CNNM4: variants seen among roughly 807,000 people sequenced by gnomAD.
The protein encoded by CNNM4 is cyclin and CBS domain divalent metal cation transport mediator 4.
In CNNM4, 32 loss-of-function variants were observed where a neutral mutation model predicts 53.7. The ratio of observed to expected loss-of-function variants is 0.60; its 90% CI spans 0.45 to 0.80. The LOEUF is 0.80. CNNM4 is among the 30% of genes least tolerant of loss of function. The pLI is 0.00. For missense variants in CNNM4, 784 were observed against 1,022.0 expected (o/e 0.77, Z 3.17); for synonymous variants, 410 against 440.0 (o/e 0.93, Z 0.85).
rs41286594 is a variant in CNNM4 at position 96,799,647 on chromosome 2, C to T, written c.1947C>T (p.Ser649=). The T allele has an allele frequency of 0.021, 33,156 of 1,550,670 alleles. 449 individuals carry two copies. Among genetic ancestry groups the T allele is most frequent in the Admixed American group, 0.025 (1,287 of 51,032 alleles). The change falls in exon 5 of 7, where the codon TCC becomes TCT. Residue 649 remains serine (S), a splice_region_variant and synonymous_variant. Transcript: ENST00000377075. ...YGTMALTSVP[S]DRSPAHPTPL... ...CTATGGCCCTGACCTCGGTCCCCTC[C>T]GGTGAGTTGTTGGGCATGGTCTTTG...
chr2:96,765,622 A>G (rs1465461363), intron 1 of CNNM4, among the ~76,000 whole-genome samples: 1 of 151,904 alleles, frequency 6.6e-6, no homozygotes, highest in Non-Finnish European at 1.5e-5. Flanking sequence ...TCCCCTTTCC[A>G]GCATTATAAG....
At chr2:96,802,875 C>T (rs1209377435) in intron 5 of CNNM4, among the ~76,000 whole-genome samples, 2 of 152,094 alleles carry the variant, frequency 1.3e-5, no homozygotes, top group African/African-American at 4.8e-5. Flanking sequence ...CTGGGATTCC[C>T]GTGTGCAACC....
Position 96,811,573 on chromosome 2 carries a change from A to G in CNNM4, c.*2056A>G, listed in dbSNP as rs940055133. 3.9e-5 allele frequency: 6 copies of G among 152,162 alleles called. No individual in the cohort carries two copies. The East Asian group carries it at 9.7e-4, about 25-fold the overall frequency. 9.4% of individuals were successfully genotyped at this position (152,162 alleles called of 1,614,324 possible). On this transcript the variant is annotated 3_prime_UTR_variant, in exon 7 of 7. Coordinates refer to ENST00000377075, the MANE Select transcript of CNNM4 (RefSeq NM_020184.4). ...TTCCCAGTGCAATTTTTCCCTTCCT[A>G]TTTCAACCTCTGGTTCCTGGGATGA...
chr2:96,771,180 A>G (rs531983674), intron 1 of CNNM4, among the ~76,000 whole-genome samples: 96 of 152,150 alleles, frequency 6.3e-4, no homozygotes, highest in African/African-American at 2.2e-3. Flanking sequence ...TCCTCTCACC[A>G]GAATGTACTG....
At chr2:96,805,329 T>G (rs1011767999) in intron 5 of CNNM4, among the ~76,000 whole-genome samples, 3 of 150,768 alleles carry the variant, frequency 2.0e-5, no homozygotes, top group African/African-American at 7.3e-5. Context: ...GTTTCCTAGT[T>G]TTATAAATAA....
chr2:96,792,878 CAGG>C (rs1368126550), intron 1 of CNNM4, among the ~76,000 whole-genome samples: 3 of 151,716 alleles, frequency 2.0e-5, no homozygotes, highest in African/African-American at 7.3e-5. Context: ...TAAAGGGAGA[CAGG>C]AGTGTTGGGG....
intron 1 of CNNM4, among the ~76,000 whole-genome samples, chr2:96,777,866 C>G (rs1293295769): frequency 2.0e-5 from 3 of 150,352 alleles, no homozygotes; most frequent in African/African-American, 7.3e-5. Flanking sequence ...CTTGAACTCT[C>G]TGCCTTTTTT....
intron 1 of CNNM4, among the ~76,000 whole-genome samples, chr2:96,762,771 T>C (rs368338585): frequency 1.3e-4 from 19 of 151,810 alleles, no homozygotes; most frequent in Middle Eastern, 3.4e-3. Flanking sequence ...GGCTGGGAAA[T>C]TGGGGAATCC....
chr2:96,761,492 G>A lies in CNNM4; in HGVS notation c.493G>A (p.Asp165Asn), dbSNP rs1321502470. 2 of 1,614,010 alleles carry A rather than the reference G, an allele frequency of 1.2e-6. No homozygotes were observed. Among genetic ancestry groups the A allele is most frequent in the Non-Finnish European group, 1.7e-6 (2 of 1,180,012 alleles). Residue 165 changes from aspartate to asparagine, a missense_variant, in exon 1 of 7, where the codon GAC (aspartate) becomes AAC (asparagine). By Grantham distance (23) the Asp-to-Asn change is conservative. This residue lies in a region of CNNM4 where 473 missense variants were observed against 624.6 expected (regional missense o/e 0.76). Coordinates refer to ENST00000377075, the MANE Select transcript of CNNM4 (RefSeq NM_020184.4). This position sits in a 1 kb window ranked among gnomAD's most constrained non-coding sequence, Gnocchi z 6.0. ...QPDGPWLKWT[D>N]KDSLLFMVEE... ...CGACGGGCCCTGGCTGAAGTGGACG[G>A]ACAAGGACTCACTGCTCTTCATGGT...
In CNNM4 at chr2:96,797,103, C is replaced by T. The variant is rs776159012; in HGVS notation, c.1494C>T (p.Asp498=). Residue 498 remains aspartate (D), a synonymous_variant, in exon 2 of 7, where the codon GAC becomes GAT. Coordinates refer to ENST00000377075, the MANE Select transcript of CNNM4 (RefSeq NM_020184.4). This position sits in a 1 kb window ranked among gnomAD's most constrained non-coding sequence, Gnocchi z 6.0. ...TCCTGGGCCTGGTCACCCTGGAGGA[C>T]GTGATCGAGGAGATCATCAAGTCGG... ...YEVLGLVTLE[D]VIEEIIKSEI... 1.9e-5 allele frequency: 30 copies of T among 1,614,024 alleles called. No homozygotes were observed. The highest frequency in any genetic ancestry group is 1.1e-4 in the South Asian group (10 of 91,092).
chr2:96,771,724 AAAAG>A (rs1157913397), intron 1 of CNNM4, among the ~76,000 whole-genome samples: 2 of 152,084 alleles, frequency 1.3e-5, no homozygotes, highest in Non-Finnish European at 2.9e-5. Context: ...AAAAAAAAAA[AAAAG>A]AAAGAAAAAA....
intron 1 of CNNM4, among the ~76,000 whole-genome samples, chr2:96,781,231 A>G (rs550231740): frequency 1.6e-4 from 25 of 152,026 alleles, no homozygotes; most frequent in Non-Finnish European, 3.7e-4. Flanking sequence ...CACCTGCCTC[A>G]GCCTCCCAAA....
chr2:96,769,936 C>T (rs1189591678), intron 1 of CNNM4, among the ~76,000 whole-genome samples: 1 of 152,226 alleles, frequency 6.6e-6, no homozygotes, highest in Non-Finnish European at 1.5e-5. Context: ...AGGCAGAGGT[C>T]CCAGCAGGGA....
intron 1 of CNNM4, among the ~76,000 whole-genome samples, chr2:96,779,016 G>C (rs1003804070): frequency 2.0e-5 from 3 of 151,932 alleles, no homozygotes; most frequent in Non-Finnish European, 2.9e-5. Context: ...GAGTGCAGTG[G>C]CGCGATTTTG....
At position 96,801,627 on chromosome 2, in the gene CNNM4, C is replaced by T. The variant is rs544630905; in HGVS notation, c.1948+1979C>T. ...ACAGAGACCACACACAGAGACCACA[C>T]GCAGAGAGACCACACACATGCAGAG... is the stretch of plus-strand genomic sequence containing the variant. On this transcript the variant is annotated intron_variant, in intron 5 of 6. Transcript: ENST00000377075. This position sits in a 1 kb window ranked among gnomAD's most constrained non-coding sequence, Gnocchi z 5.6. Among the ~76,000 whole-genome samples the T allele has an allele frequency of 4.1e-5, 6 of 145,114 alleles. No homozygotes were observed. The highest frequency in any genetic ancestry group is 6.9e-5 in the Admixed American group (1 of 14,554).
chr2:96,805,418 G>GT (rs898761608), intron 5 of CNNM4, among the ~76,000 whole-genome samples: 14,357 of 76,882 alleles, frequency 0.19, 1,393 homozygotes, highest in South Asian at 0.55. Context: ...CTTCTTTTCA[G>GT]TTTTTTTTTT....
rs760782158 is a variant in CNNM4 at position 96,808,762 on chromosome 2, G to C, written c.2130+20G>C. The C allele has an allele frequency of 6.2e-7, 1 of 1,611,580 alleles. No homozygotes were observed. Among genetic ancestry groups the C allele is most frequent in the South Asian group, 1.1e-5 (1 of 91,006 alleles). ...ATCAAGGTGAGTGCCTCACTGCCCT[G>C]TCTGGGCAGTGCTATCTTCTGCTCA... is the stretch of plus-strand genomic sequence containing the variant. On this transcript the variant is annotated intron_variant, in intron 6 of 6. Coordinates refer to ENST00000377075, the MANE Select transcript of CNNM4 (RefSeq NM_020184.4). The surrounding 1 kb of genome is among the most constrained non-coding windows in gnomAD (Gnocchi z 4.9).
chr2:96,766,062 G>A lies in CNNM4; in HGVS notation c.1402+3661G>A, dbSNP rs975184426. Among the ~76,000 whole-genome samples the A allele has an allele frequency of 9.4e-5, 14 of 148,512 alleles. No homozygotes were observed. In the East Asian group the frequency reaches 2.4e-3, roughly 25 times the overall value. On this transcript the variant is annotated intron_variant, in intron 1 of 6. Coordinates refer to ENST00000377075, the MANE Select transcript of CNNM4 (RefSeq NM_020184.4). ...GCCTCCCAAAGTGCTGGGATTACAG[G>A]TGTGAGCCACCACACCTGGCCTTTT...
intron 1 of CNNM4, among the ~76,000 whole-genome samples, chr2:96,764,311 G>T (rs1355765765): frequency 1.3e-5 from 2 of 152,160 alleles, no homozygotes; most frequent in East Asian, 1.9e-4. Flanking sequence ...CTCTTAGGCC[G>T]TAGCAGAGCT....
Sources: gnomAD v4.1 joint callset for allele counts (sites outside exome capture counted in the v4.1 genomes callset) on GRCh38, gnomAD v4.1.1 for gene constraint, gnomAD v4.1.1 regional missense constraint, Gnocchi (gnomAD v3.1) non-coding constraint, MANE v1.5 for transcripts, NCBI Gene and HGNC (gene_info 2026-07-23, HGNC 2026-07-21) for gene names.